The following RASGRP1 variants were observed in gnomAD, a reference collection of about 807,000 sequenced individuals.
The protein encoded by RASGRP1 is RAS guanyl releasing protein 1.
In RASGRP1, 37 loss-of-function variants were observed where a neutral mutation model predicts 95.1. That is an observed-to-expected ratio of 0.39 (90% CI 0.30 to 0.51). The LOEUF (loss-of-function observed/expected upper bound fraction) is 0.51. Ranked by LOEUF, RASGRP1 falls within the 20% of genes least tolerant of loss-of-function variation. The probability of loss-of-function intolerance (pLI) is 0.80; values close to 1 mark genes in which losing one functional copy is unlikely to be tolerated. For synonymous variants in RASGRP1, 325 were observed against 353.4 expected, an observed-to-expected ratio of 0.92 and a Z score of 0.90; for missense variants, 711 against 965.4, an observed-to-expected ratio of 0.74 and a Z score of 3.49.
intron 16 of RASGRP1, among the ~76,000 whole-genome samples, chr15:38,491,485 A>G (rs1289716142): frequency 6.6e-6 from 1 of 152,244 alleles, no homozygotes; most frequent in Admixed American, 6.5e-5. Context: ...GTTGCCGTAT[A>G]GTATAAAACT....
At chr15:38,511,402 G>A (rs1297939855) in intron 8 of RASGRP1, among the ~76,000 whole-genome samples, 3 of 152,138 alleles carry the variant, frequency 2.0e-5, no homozygotes, top group African/African-American at 7.2e-5. Context: ...ACTGTCTGAG[G>A]CCAGACAAAA....
chr15:38,542,264 G>C (rs1892896673), intron 2 of RASGRP1, among the ~76,000 whole-genome samples: 1 of 152,078 alleles, frequency 6.6e-6, no homozygotes, highest in Admixed American at 6.6e-5. Context: ...CTGAAGTGGT[G>C]TTTACAACTA....
rs760411434 is a variant in RASGRP1 at position 38,507,771 on chromosome 15, C to A, written c.1197G>T (p.Val399=). ...CCTTGTTAGCCTCCAAGGGTGGGGC[C>A]ACCTCTTGCAGCTGGACCAATTCAC... ...HISELVQLQE[V]APPLEANKDL... is the part of the protein sequence containing the mutation. The change falls in exon 9 of 17, where the codon GTG becomes GTT. Residue 399 remains valine (V), a synonymous_variant. Transcript: ENST00000310803. 4 of 1,598,936 alleles carry A rather than the reference C, an allele frequency of 2.5e-6. No individual in the cohort carries two copies. The highest frequency in any genetic ancestry group is 3.4e-6 in the Non-Finnish European group (4 of 1,172,632).
chr15:38,494,891 C>T, intron 15 of RASGRP1, 124 bp from the exon 16 acceptor site: 3 of 897,358 alleles, frequency 3.3e-6, no homozygotes, highest in African/African-American at 1.7e-5. Flanking sequence ...AAAGAGGACC[C>T]ATTTTCAGGC....
intron 1 of RASGRP1, among the ~76,000 whole-genome samples, chr15:38,564,229 C>A (rs762637216): frequency 6.6e-6 from 1 of 152,194 alleles, no homozygotes; most frequent in Non-Finnish European, 1.5e-5. Context: ...CCAGCAGGTG[C>A]GGGCAGCGCG....
chr15:38,497,605 T>A (rs1890845002), intron 15 of RASGRP1, among the ~76,000 whole-genome samples: 1 of 152,204 alleles, frequency 6.6e-6, no homozygotes, highest in African/African-American at 2.4e-5. Context: ...TCATTTGCTG[T>A]CACTGCAACC....
chr15:38,562,492 TGG>T (rs2141203987), intron 1 of RASGRP1, among the ~76,000 whole-genome samples: 1 of 152,340 alleles, frequency 6.6e-6, no homozygotes, highest in East Asian at 1.9e-4. Context: ...TCTCTACACC[TGG>T]GGCTACATAG....
At chr15:38,536,230 C>T (rs1892639708) in intron 2 of RASGRP1, among the ~76,000 whole-genome samples, 1 of 152,154 alleles carries the variant, frequency 6.6e-6, no homozygotes. Context: ...ATTGACCATT[C>T]CCATGCAGCA....
intron 2 of RASGRP1, among the ~76,000 whole-genome samples, chr15:38,536,571 T>C (rs1485773365): frequency 2.0e-5 from 3 of 152,228 alleles, no homozygotes; most frequent in Non-Finnish European, 4.4e-5. Context: ...CATCTGAGAA[T>C]TACTGGTTAG....
intron 2 of RASGRP1, among the ~76,000 whole-genome samples, chr15:38,550,083 C>T (rs944427574): frequency 6.6e-6 from 1 of 151,676 alleles, no homozygotes; most frequent in Non-Finnish European, 1.5e-5. Flanking sequence ...CATGGTGAAA[C>T]CCCATCTCTA....
chr15:38,521,121 T>C (rs1365388579), intron 3 of RASGRP1, among the ~76,000 whole-genome samples: 1 of 152,126 alleles, frequency 6.6e-6, no homozygotes, highest in Non-Finnish European at 1.5e-5. Flanking sequence ...GGTGGAAAAG[T>C]AGAAGTGAGA....
At chr15:38,523,694 T>C (rs2141135547) in intron 3 of RASGRP1, among the ~76,000 whole-genome samples, 1 of 152,238 alleles carries the variant, frequency 6.6e-6, no homozygotes, top group Non-Finnish European at 1.5e-5. Flanking sequence ...TGCCCCCCTA[T>C]ACATATCATT....
chr15:38,521,362 CGT>C (rs1236755411), intron 3 of RASGRP1, among the ~76,000 whole-genome samples: 4 of 152,066 alleles, frequency 2.6e-5, no homozygotes, highest in Non-Finnish European at 4.4e-5. Flanking sequence ...TGACTTTTAC[CGT>C]GTCATTCACC....
intron 1 of RASGRP1, among the ~76,000 whole-genome samples, chr15:38,562,260 C>T (rs1893838203): frequency 6.6e-6 from 1 of 152,180 alleles, no homozygotes; most frequent in African/African-American, 2.4e-5. Flanking sequence ...GAATCTCAGC[C>T]CATATTCCTC....
intron 2 of RASGRP1, among the ~76,000 whole-genome samples, chr15:38,529,347 ACTTCATTT>A (rs757868735): frequency 6.6e-5 from 10 of 152,064 alleles, no homozygotes; most frequent in Non-Finnish European, 1.3e-4. Flanking sequence ...AATATCATCC[ACTTCATTT>A]CATACCACAT....
chr15:38,512,543 A>G (rs1891576484), intron 7 of RASGRP1, among the ~76,000 whole-genome samples: 1 of 151,448 alleles, frequency 6.6e-6, no homozygotes, highest in East Asian at 1.9e-4. Context: ...AAACAGATCT[A>G]AAACTGGATC....
chr15:38,558,261 G>C (rs893371056), intron 2 of RASGRP1, among the ~76,000 whole-genome samples: 1 of 152,146 alleles, frequency 6.6e-6, no homozygotes, highest in South Asian at 2.1e-4. Flanking sequence ...GCGCCTCCCC[G>C]GTCTCCACCA....
Position 38,498,836 on chromosome 15 carries a change from C to T in RASGRP1, c.1831G>A (p.Val611Met), listed in dbSNP as rs753586174. Residue 611 changes from valine to methionine, a missense_variant, in exon 15 of 17, where the codon GTG becomes ATG. Around this residue, in one of 3 missense-constraint regions of RASGRP1, gnomAD observed 212 missense variants for 247.8 expected, o/e 0.86. Coordinates refer to ENST00000310803, the MANE Select transcript of RASGRP1 (RefSeq NM_005739.4). ...PTENNTSVGPVSNLCSLGAKD... is the reference protein window; with the variant it reads ...PTENNTSVGPMSNLCSLGAKD... ...GCTCCCAATGAGCAAAGGTTGGACA[C>T]TGGCCCCACAGAAGTGTTGTTCTCT... 6 of 1,613,872 alleles carry T rather than the reference C, an allele frequency of 3.7e-6. No individual in the cohort carries two copies. Among genetic ancestry groups the T allele is most frequent in the Non-Finnish European group, 5.1e-6 (6 of 1,179,862 alleles).
intron 5 of RASGRP1, 91 bp from the exon 6 acceptor site, chr15:38,516,441 T>C: frequency 7.0e-7 from 1 of 1,431,678 alleles, no homozygotes. Context: ...CACAAGAATA[T>C]ACAAAACACC....
Sources: allele counts gnomAD v4.1 joint callset (sites outside exome capture counted in the v4.1 genomes callset), GRCh38; gene constraint gnomAD v4.1.1; regional missense constraint gnomAD v4.1.1; transcripts MANE v1.5; gene names NCBI Gene and HGNC (gene_info 2026-07-23, HGNC 2026-07-21).